DLG2: variants seen among roughly 807,000 people sequenced by gnomAD.
DLG2 encodes the protein discs large MAGUK scaffold protein 2.
Under a neutral mutation model 132.5 loss-of-function variants are expected in DLG2, and 45 were observed. The observed-to-expected ratio is 0.34, with a 90% confidence interval of 0.27 to 0.44. The LOEUF (loss-of-function observed/expected upper bound fraction) is 0.44. Among genes scored for constraint, DLG2 ranks in the 20% least tolerant of loss-of-function variants. DLG2 has a pLI of 1.00. For synonymous variants in DLG2, 424 were observed against 419.6 expected (o/e 1.01, Z -0.13); for missense variants, 1,045 against 1,196.9 (o/e 0.87, Z 1.87).
intron 3 of DLG2, among the ~76,000 whole-genome samples, chr11:85,454,267 G>C (rs1189614221): frequency 6.6e-6 from 1 of 151,636 alleles, no homozygotes; most frequent in Non-Finnish European, 1.5e-5. Context: ...TCTCATTGTG[G>C]TTTTGATTTG....
At chr11:85,154,135 G>GAAAAAAAAAAA (rs34094958) in intron 5 of DLG2, among the ~76,000 whole-genome samples, 1 of 57,674 alleles carries the variant, frequency 1.7e-5, no homozygotes, top group Non-Finnish European at 3.3e-5. Flanking sequence ...TTCTTTTGGA[G>GAAAAAAAAAAA]AAAAAAAAAA....
intron 4 of DLG2, among the ~76,000 whole-genome samples, chr11:85,245,180 C>T (rs540401397): frequency 3.9e-5 from 6 of 151,964 alleles, no homozygotes; most frequent in Admixed American, 3.9e-4. Context: ...TAGATTCAGG[C>T]CTTATTAATC....
chr11:84,122,194 C>T (rs1244535371), intron 9 of DLG2, among the ~76,000 whole-genome samples: 2 of 151,918 alleles, frequency 1.3e-5, no homozygotes, highest in Admixed American at 1.3e-4. Flanking sequence ...ATGGTGCACA[C>T]CTGTAATCCC....
intron 6 of DLG2, among the ~76,000 whole-genome samples, chr11:84,537,476 T>A (rs2099358421): frequency 6.6e-6 from 1 of 152,224 alleles, no homozygotes; most frequent in Non-Finnish European, 1.5e-5. Flanking sequence ...CTATTGAGTC[T>A]CATTTTTAAG....
rs1378397141 is a variant in DLG2, at chr11:84,502,264, TTCCTTCCTTCCTTCC to T, written c.519+32291_519+32305del. Reference sequence around the variant, plus strand: ...CTTCCTTCCTTCCTTCCTTCCTTCCTTCCTTCCTTCCTTCCTTCTTTCTTTCTTTCTTTCTTTCTT... The same window carrying T: ...CTTCCTTCCTTCCTTCCTTCCTTCCTTTCTTTCTTTCTTTCTTTCTTTCTT... On this transcript the variant is annotated intron_variant, in intron 7 of 27. Coordinates refer to ENST00000376104, the MANE Select transcript of DLG2 (RefSeq NM_001142699.3). Among the ~76,000 whole-genome samples, 4 of 49,192 alleles carry T rather than the reference TTCCTTCCTTCCTTCC, an allele frequency of 8.1e-5. 1 individual carries two copies. Among genetic ancestry groups the T allele is most frequent in the Admixed American group, 4.5e-4 (3 of 6,698 alleles). 32.3% of individuals were successfully genotyped at this position (49,192 alleles called of 152,430 possible). A position where few individuals can be genotyped will look rare whatever the true frequency, so the allele number is the denominator to read the frequency against.
At chr11:85,605,244 A>G (rs750682242) in intron 2 of DLG2, among the ~76,000 whole-genome samples, 21 of 152,212 alleles carry the variant, frequency 1.4e-4, no homozygotes, top group Non-Finnish European at 2.8e-4. Flanking sequence ...TAAATAACAG[A>G]TTTGGAGCTT....
At chr11:85,534,181 T>TG (rs950666475) in intron 3 of DLG2, among the ~76,000 whole-genome samples, 1 of 152,046 alleles carries the variant, frequency 6.6e-6, no homozygotes, top group Admixed American at 6.6e-5. Flanking sequence ...ACTCCTGGAC[T>TG]CACATGATCC....
chr11:83,800,807 G>C (rs1406107800), intron 17 of DLG2, among the ~76,000 whole-genome samples: 2 of 152,164 alleles, frequency 1.3e-5, no homozygotes, highest in Non-Finnish European at 2.9e-5. Flanking sequence ...AAGACAGTAA[G>C]ATCTAGAATT....
intron 7 of DLG2, among the ~76,000 whole-genome samples, chr11:84,365,915 C>G (rs1002526476): frequency 6.6e-6 from 1 of 151,968 alleles, no homozygotes; most frequent in Non-Finnish European, 1.5e-5. Flanking sequence ...GAGAACTTCC[C>G]CAATCTAGCA....
At chr11:84,554,195 T>C (rs983908066) in intron 6 of DLG2, among the ~76,000 whole-genome samples, 9 of 152,206 alleles carry the variant, frequency 5.9e-5, no homozygotes, top group African/African-American at 1.9e-4. Context: ...CATCCTTTTA[T>C]CTAAACTATT....
At chr11:85,114,904 T>C (rs1221759453) in intron 5 of DLG2, among the ~76,000 whole-genome samples, 3 of 151,906 alleles carry the variant, frequency 2.0e-5, no homozygotes, top group South Asian at 2.1e-4. Flanking sequence ...TATATATACA[T>C]TGAGCCCTTT....
chr11:85,429,893 A>G (rs1189319302), intron 3 of DLG2, among the ~76,000 whole-genome samples: 3 of 152,230 alleles, frequency 2.0e-5, no homozygotes, highest in Non-Finnish European at 4.4e-5. Flanking sequence ...ATGCTGCTAT[A>G]AAGACACATA....
At chr11:83,961,845 T>C (rs1188129610) in intron 14 of DLG2, among the ~76,000 whole-genome samples, 2 of 152,038 alleles carry the variant, frequency 1.3e-5, no homozygotes, top group South Asian at 2.1e-4. Flanking sequence ...CATTTCAGCA[T>C]AGGAAGAAGC....
intron 11 of DLG2, among the ~76,000 whole-genome samples, chr11:84,036,658 G>A (rs1053690994): frequency 1.3e-5 from 2 of 152,014 alleles, no homozygotes; most frequent in African/African-American, 4.8e-5. Flanking sequence ...TACTTAAATT[G>A]CAAGAGTTTT....
At chr11:83,840,882 A>T (rs1236313623) in intron 16 of DLG2, among the ~76,000 whole-genome samples, 1 of 152,150 alleles carries the variant, frequency 6.6e-6, no homozygotes, top group Non-Finnish European at 1.5e-5. Context: ...CATTTAGCCC[A>T]TCCTTTTCTT....
At chr11:85,345,947 C>T (rs1269813479) in intron 3 of DLG2, among the ~76,000 whole-genome samples, 1 of 151,934 alleles carries the variant, frequency 6.6e-6, no homozygotes, top group African/African-American at 2.4e-5. Flanking sequence ...GAAGAGGTCC[C>T]TATCCAGACC....
In DLG2 at chr11:84,642,665, T is replaced by C. The variant is rs187734308; in HGVS notation, c.358-107934A>G. 3.7e-3 allele frequency among the ~76,000 whole-genome samples: 566 copies of C among 152,268 alleles called. 2 individuals are homozygous for C. The highest frequency in any genetic ancestry group is 5.9e-3 in the Non-Finnish European group (400 of 68,006). On this transcript the variant is annotated intron_variant, in intron 6 of 27. Coordinates refer to ENST00000376104, the MANE Select transcript of DLG2 (RefSeq NM_001142699.3). ...GAAGAGAAGACATGTACCTGCCTGC[T>C]GTGCTACCTGTAAACCACAGCTAGA...
intron 4 of DLG2, among the ~76,000 whole-genome samples, chr11:85,207,765 T>C (rs902651963): frequency 6.6e-6 from 1 of 152,102 alleles, no homozygotes; most frequent in African/African-American, 2.4e-5. Context: ...AACTTTCTTA[T>C]CACTACTCAA....
chr11:85,196,165 A>G (rs1020625961), intron 4 of DLG2, among the ~76,000 whole-genome samples: 7 of 152,220 alleles, frequency 4.6e-5, no homozygotes, highest in African/African-American at 1.7e-4. Flanking sequence ...AATCAGTGAC[A>G]AATCCAAGTT....
Sources: allele counts gnomAD v4.1 joint callset (sites outside exome capture counted in the v4.1 genomes callset), GRCh38; gene constraint gnomAD v4.1.1; transcripts MANE v1.5; gene names NCBI Gene and HGNC (gene_info 2026-07-23, HGNC 2026-07-21).